Variants in MIB2 observed in about 807,000 individuals in gnomAD.
MIB2 encodes the protein MIB E3 ubiquitin protein ligase 2.
MIB2 carries 78 observed loss-of-function variants against 96.6 expected under a neutral mutation model. That is an observed-to-expected ratio of 0.81 (90% CI 0.67 to 0.97). The LOEUF (loss-of-function observed/expected upper bound fraction) is 0.97, where lower values mean the gene tolerates loss of function less well. Ranked by LOEUF, MIB2 falls within the 50% of genes least tolerant of loss-of-function variation. The pLI, the probability that MIB2 is intolerant of heterozygous loss-of-function variation, is 0.00. For synonymous variants in MIB2, 820 were observed against 629.5 expected, an observed-to-expected ratio of 1.30 and a Z score of -4.53; for missense variants, 1,543 against 1,424.0, an observed-to-expected ratio of 1.08 and a Z score of -1.35.
In MIB2 at chr1:1,628,520, A is replaced by G. The variant is rs1461146607; in HGVS notation, c.2000A>G (p.Lys667Arg). 6 of 1,601,086 alleles carry G rather than the reference A, an allele frequency of 3.7e-6. No individual in the cohort carries two copies. The highest frequency in any genetic ancestry group is 5.1e-6 in the Non-Finnish European group (6 of 1,178,486). The change falls in exon 16 of 20, where the codon AAG becomes AGG. Residue 667 changes from lysine (K) to arginine (R), a missense_variant. Physicochemically the swap from Lys to Arg is conservative, Grantham distance 26 (BLOSUM62 2). Coordinates refer to ENST00000355826, the MANE Select transcript of MIB2 (RefSeq NM_001170687.4). ...GRCDVNVRNR[K>R]LQSPLHLAVQ... is the part of the protein sequence containing the mutation. ...TGTGACGTGAACGTGCGCAACCGGAAGCTGCAGTCCCCGCTGCATCTCGCC... is the reference window on the plus strand; with the variant it reads ...TGTGACGTGAACGTGCGCAACCGGAGGCTGCAGTCCCCGCTGCATCTCGCC...
Position 1,626,867 on chromosome 1 carries a change from G to C in MIB2, c.1108G>C (p.Val370Leu), listed in dbSNP as rs992231678. The change falls in exon 10 of 20, where the codon GTG (valine) becomes CTG (leucine). Residue 370 changes from valine (V) to leucine (L), a missense_variant. Coordinates refer to ENST00000355826, the MANE Select transcript of MIB2 (RefSeq NM_001170687.4). The surrounding 1 kb of genome is among the most constrained non-coding windows in gnomAD (Gnocchi z 5.3). ...ALGRVGKVVK[V>L]FGDGNLRVAV... is the part of the protein sequence containing the mutation. ...GGGCCGCGTCGGGAAGGTGGTGAAA[G>C]TGTTTGGAGACGGGAACCTGCGTGT... 7 of 1,604,546 alleles carry C rather than the reference G, an allele frequency of 4.4e-6. No homozygotes were observed. The highest frequency in any genetic ancestry group is 5.9e-6 in the Non-Finnish European group (7 of 1,179,620).
intron 16 of MIB2, 172 bp from the exon 17 acceptor site, chr1:1,628,961 C>T: frequency 2.6e-6 from 2 of 755,102 alleles, no homozygotes; most frequent in Non-Finnish European, 2.0e-6. Flanking sequence ...GGTCTCAGAG[C>T]TCACCTAGCA....
Position 1,629,717 on chromosome 1 carries a change from C to T in MIB2, c.2629+13C>T, listed in dbSNP as rs1476340761. On this transcript the variant is annotated intron_variant, in intron 19 of 19. Coordinates refer to ENST00000355826, the MANE Select transcript of MIB2 (RefSeq NM_001170687.4). ...AAACTGCGCCCAGGTGGGTGAGGCT[C>T]TGCGCCCCCAACACGCCTCCTGCTC... 6 of 1,577,922 alleles carry T rather than the reference C, an allele frequency of 3.8e-6. No homozygotes were observed. The highest frequency in any genetic ancestry group is 4.3e-6 in the Non-Finnish European group (5 of 1,163,490).
At chr1:1,621,510 G>T (rs921991465) in intron 2 of MIB2, among the ~76,000 whole-genome samples, 29 of 144,620 alleles carry the variant, frequency 2.0e-4, no homozygotes, top group Non-Finnish European at 2.9e-4. Context: ...TCTCGGCAGC[G>T]TCACCCGACA....
chr1:1,620,698 C>T (rs554227159), intron 2 of MIB2, among the ~76,000 whole-genome samples: 2 of 152,290 alleles, frequency 1.3e-5, no homozygotes, highest in East Asian at 3.9e-4. Context: ...GGGAGCTCAG[C>T]CCAGGCCATG....
intron 4 of MIB2, among the ~76,000 whole-genome samples, chr1:1,624,543 A>G (rs947718184): frequency 1.3e-5 from 2 of 152,208 alleles, no homozygotes; most frequent in African/African-American, 4.8e-5. Context: ...CCAGCCTGGC[A>G]TCAGGGAAGT....
chr1:1,615,723 C>G lies in MIB2; in HGVS notation c.-130+90C>G, dbSNP rs888325382. On this transcript the variant is annotated intron_variant, in intron 1 of 19. Coordinates refer to ENST00000355826, the MANE Select transcript of MIB2 (RefSeq NM_001170687.4). ...GGCAGAACGCGAGCGCCGTCCGGTT[C>G]CCGCTCCCGCTGGCCCAGCAGCCCC... 52 of 1,491,822 alleles carry G rather than the reference C, an allele frequency of 3.5e-5. No individual in the cohort carries two copies. In the South Asian group the frequency reaches 6.6e-4, roughly 19 times the overall value. 92.4% of individuals were successfully genotyped at this position (1,491,822 alleles called of 1,614,324 possible).
rs1443140891 is a variant in MIB2 at position 1,625,650 on chromosome 1, C to A, written c.969C>A (p.Thr323=). The change falls in exon 8 of 20, where the codon ACC becomes ACA. Residue 323 remains threonine (T), a synonymous_variant. Coordinates refer to ENST00000355826, the MANE Select transcript of MIB2 (RefSeq NM_001170687.4). The surrounding 1 kb of genome is among the most constrained non-coding windows in gnomAD (Gnocchi z 5.0). The stretch of plus-strand genomic sequence containing the variant: ...GGACCTTCCACCCCGGGGCGCTCAC[C>A]AAGGTGCCGGGGGGGCTGGGCTGCG... ...TRWTFHPGAL[T]KHHSFWVGDV... 91 of 1,555,780 alleles carry A rather than the reference C, an allele frequency of 5.8e-5. No individual in the cohort carries two copies. Among genetic ancestry groups the A allele is most frequent in the Non-Finnish European group, 7.4e-5 (85 of 1,149,764 alleles).
chr1:1,624,173 G>A (rs530808519), intron 4 of MIB2: 43 of 579,404 alleles, frequency 7.4e-5, no homozygotes, highest in South Asian at 1.6e-4. Flanking sequence ...CCCCCAGGGC[G>A]GCATGAGACC....
In MIB2 at chr1:1,627,342, A is replaced by T; in HGVS notation, c.1421A>T (p.Tyr474Phe). Residue 474 changes from tyrosine to phenylalanine, a missense_variant, in exon 12 of 20, where the codon TAC becomes TTC. Physicochemically the swap from Tyr to Phe is conservative, Grantham distance 22. Coordinates refer to ENST00000355826, the MANE Select transcript of MIB2 (RefSeq NM_001170687.4). ...AGGACCGCTCTGCAAGTGGCTGCCT[A>T]CCTGGGCCAGGTGGAGTTGATACGG... The part of the protein sequence containing the change: ...QGRTALQVAA[Y>F]LGQVELIRLL... 3.7e-6 allele frequency: 6 copies of T among 1,613,096 alleles called. No individual in the cohort carries two copies. Among genetic ancestry groups the T allele is most frequent in the Non-Finnish European group, 2.5e-6 (3 of 1,179,966 alleles).
At chr1:1,619,827 A>G (rs546410824) in intron 2 of MIB2, among the ~76,000 whole-genome samples, 3 of 152,078 alleles carry the variant, frequency 2.0e-5, no homozygotes, top group African/African-American at 7.2e-5. Context: ...TTGTGCCCCA[A>G]CTCAGGTGGG....
chr1:1,619,442 G>A lies in MIB2; in HGVS notation c.-23+2828G>A, dbSNP rs538227151. Among the ~76,000 whole-genome samples the A allele has an allele frequency of 2.0e-5, 3 of 152,344 alleles. No individual in the cohort carries two copies. In the South Asian group the frequency reaches 6.2e-4, roughly 32 times the overall value. On this transcript the variant is annotated intron_variant, in intron 2 of 19. Transcript: ENST00000355826. Reference sequence around the variant, plus strand: ...CTGAGCTCCTGAGCCTGGGATCCACGCGCATGTGGTCTGTCTGCACACTGG... The same window carrying A: ...CTGAGCTCCTGAGCCTGGGATCCACACGCATGTGGTCTGTCTGCACACTGG...
At chr1:1,627,488 G>A (rs528415341) in intron 12 of MIB2, 44 bp downstream of exon 12, 21 of 1,554,460 alleles carry the variant, frequency 1.4e-5, no homozygotes, top group Admixed American at 1.1e-4. Flanking sequence ...GAGCCTGTGC[G>A]TCCTGGGGTG....
rs1330724188 is a variant in MIB2, at chr1:1,625,826, A to AG, written c.972+178dup. On this transcript the variant is annotated intron_variant, in intron 8 of 19. Transcript: ENST00000355826. This position sits in a 1 kb window ranked among gnomAD's most constrained non-coding sequence, Gnocchi z 5.0. ...GGAGGTGGGTGGGGTCAAGGAGAAG[A>AG]GGGGGTTGGGTGTGAAGGAACCCAG... The AG allele has an allele frequency of 2.5e-5, 15 of 610,820 alleles. No individual in the cohort carries two copies. The highest frequency in any genetic ancestry group is 3.8e-5 in the Non-Finnish European group (13 of 345,348). The allele number at this position is 610,820 out of a possible 1,614,324, so 37.8% of individuals were successfully genotyped here. A position where few individuals can be genotyped will look rare whatever the true frequency, so the allele number is the denominator to read the frequency against.
rs530636562 is a variant in MIB2 at position 1,623,090 on chromosome 1, A to G, written c.-22-341A>G. 3.0e-3 allele frequency: 1,358 copies of G among 455,198 alleles called. 8 individuals carry two copies. The highest frequency in any genetic ancestry group is 5.5e-3 in the Admixed American group (133 of 24,336). The allele number at this position is 455,198 out of a possible 1,614,324, so 28.2% of individuals were successfully genotyped here. ...TTTAGTGAAGTCCAGTGTCCAGCTC[A>G]TTAATTGGCTGTGGGAAGAGATGGT... On this transcript the variant is annotated intron_variant, in intron 2 of 19. Transcript: ENST00000355826.
chr1:1,627,611 TGAGCCTGTGCGTC>T, intron 12 of MIB2, 49 bp from the exon 13 acceptor site: 2 of 1,537,932 alleles, frequency 1.3e-6, no homozygotes. Flanking sequence ...CTGGCGGGGC[TGAGCCTGTGCGTC>T]CAGCCACCGG....
chr1:1,624,216 C>T (rs1244384987), intron 4 of MIB2: 13 of 522,082 alleles, frequency 2.5e-5, no homozygotes, highest in Non-Finnish European at 4.1e-5. Context: ...GGAGCCAGCA[C>T]CTGGGCTGTC....
At chr1:1,622,077 C>G (rs534923341) in intron 2 of MIB2, among the ~76,000 whole-genome samples, 12 of 152,256 alleles carry the variant, frequency 7.9e-5, no homozygotes, top group Non-Finnish European at 1.6e-4. Context: ...GAGGCCCAGG[C>G]TGGCCTGTGT....
Position 1,625,087 on chromosome 1 carries a change from C to T in MIB2, c.623C>T (p.Thr208Ile). The T allele has an allele frequency of 6.2e-7, 1 of 1,613,332 alleles. No individual in the cohort carries two copies. Among genetic ancestry groups the T allele is most frequent in the Non-Finnish European group, 8.5e-7 (1 of 1,179,998 alleles). The part of the protein sequence containing the change: ...VASVTWADGT[T>I]NVYRVGHKGK... ...AGCGTGACGTGGGCTGATGGTACCACCAATGTGTACCGTGTGGGCCACAAG... is the reference window on the plus strand; with the variant it reads ...AGCGTGACGTGGGCTGATGGTACCATCAATGTGTACCGTGTGGGCCACAAG... Residue 208 changes from threonine to isoleucine, a missense_variant, in exon 6 of 20, where the codon ACC (threonine) becomes ATC (isoleucine). By Grantham distance (89) the Thr-to-Ile change is moderately conservative (BLOSUM62 -1). Coordinates refer to ENST00000355826, the MANE Select transcript of MIB2 (RefSeq NM_001170687.4). The surrounding 1 kb of genome is among the most constrained non-coding windows in gnomAD (Gnocchi z 5.0).
Sources: allele counts gnomAD v4.1 joint callset (sites outside exome capture counted in the v4.1 genomes callset), GRCh38; gene constraint gnomAD v4.1.1; non-coding constraint Gnocchi (gnomAD v3.1); transcripts MANE v1.5; gene names NCBI Gene and HGNC (gene_info 2026-07-23, HGNC 2026-07-21).